ALK: variants seen among roughly 807,000 people sequenced by gnomAD.
ALK encodes the protein ALK receptor tyrosine kinase.
Under a neutral mutation model 163.1 loss-of-function variants are expected in ALK, and 74 were observed. The observed-to-expected ratio is 0.45, with a 90% CI of 0.38 to 0.55. The LOEUF (loss-of-function observed/expected upper bound fraction) is 0.55. ALK is among the 20% of genes least tolerant of loss of function. The pLI, the probability that ALK is intolerant of heterozygous loss-of-function variation, is 0.00. For missense variants in ALK, 2,063 were observed against 2,105.3 expected, an observed-to-expected ratio of 0.98 and a Z score of 0.39; for synonymous variants, 960 against 843.2, an observed-to-expected ratio of 1.14 and a Z score of -2.40.
intron 3 of ALK, among the ~76,000 whole-genome samples, chr2:29,603,076 T>C (rs1031161570): frequency 3.3e-5 from 5 of 152,346 alleles, no homozygotes; most frequent in Non-Finnish European, 7.3e-5. Flanking sequence ...GTTAAGTTAT[T>C]TATTATCCAA....
chr2:29,723,594 C>G (rs980108621), intron 1 of ALK, among the ~76,000 whole-genome samples: 11 of 152,218 alleles, frequency 7.2e-5, no homozygotes, highest in African/African-American at 2.7e-4. Context: ...AAGGTGTTAT[C>G]TCTGGCACTT....
chr2:29,484,367 GCA>G (rs56989405), intron 4 of ALK, among the ~76,000 whole-genome samples: 1 of 151,820 alleles, frequency 6.6e-6, no homozygotes, highest in East Asian at 1.9e-4. Context: ...ATATATACAA[GCA>G]CACACACATA....
rs1333587737 is a variant in ALK at position 29,395,657 on chromosome 2, G to GC, written c.1155-11799dup. Among the ~76,000 whole-genome samples the GC allele has an allele frequency of 2.0e-5, 3 of 152,256 alleles. No homozygotes were observed. The East Asian group carries it at 5.8e-4, about 29-fold the overall frequency. ...GAATTGTTGCTCTAACCTTCCCCCT[G>GC]CCTTTCTGTATAGAGCTGTCCATAA... On this transcript the variant is annotated intron_variant, in intron 4 of 28. Transcript: ENST00000389048.
intron 1 of ALK, among the ~76,000 whole-genome samples, chr2:29,900,736 G>A (rs1265092111): frequency 1.3e-5 from 2 of 152,160 alleles, no homozygotes; most frequent in Non-Finnish European, 1.5e-5. Flanking sequence ...AGGACTTGAC[G>A]CTCTGCTGCT....
At chr2:29,242,307 C>T (rs1211753177) in intron 12 of ALK, among the ~76,000 whole-genome samples, 1 of 152,190 alleles carries the variant, frequency 6.6e-6, no homozygotes, top group Non-Finnish European at 1.5e-5. Context: ...AGGACAAAGT[C>T]CTCATCCTAC....
chr2:29,556,283 A>G (rs1298195598), intron 3 of ALK, among the ~76,000 whole-genome samples: 1 of 152,200 alleles, frequency 6.6e-6, no homozygotes, highest in African/African-American at 2.4e-5. Flanking sequence ...TGTCTATGAA[A>G]TAGGGACAGT....
In ALK at chr2:29,251,090, C is replaced by G. The variant is rs200910314; in HGVS notation, c.2204+15G>C. On this transcript the variant is annotated intron_variant, in intron 12 of 28. Coordinates refer to ENST00000389048, the MANE Select transcript of ALK (RefSeq NM_004304.5). ...GGGGTGGTCTGCCCCTCCCCTCCCCCTCTTCCATACGCACCTGTAGGTGTC... is the reference window on the plus strand; with the variant it reads ...GGGGTGGTCTGCCCCTCCCCTCCCCGTCTTCCATACGCACCTGTAGGTGTC... 5.7e-5 allele frequency: 92 copies of G among 1,613,292 alleles called. No homozygotes were observed. In the African/African-American group the frequency reaches 1.1e-3, roughly 20 times the overall value.
intron 4 of ALK, among the ~76,000 whole-genome samples, chr2:29,399,977 G>C (rs1669404030): frequency 6.6e-6 from 1 of 152,166 alleles, no homozygotes; most frequent in East Asian, 1.9e-4. Flanking sequence ...GTCTGGTGCT[G>C]ATCCTCATGG....
In ALK at chr2:29,920,429, G is replaced by A. The variant is rs1462178129; in HGVS notation, c.231C>T (p.Ser77=). The A allele has an allele frequency of 6.2e-7, 1 of 1,604,864 alleles. No homozygotes were observed. The highest frequency in any genetic ancestry group is 1.7e-5 in the Admixed American group (1 of 59,090). The part of the protein sequence containing the change: ...YARDLLLPPS[S]SELKAGRPEA... ...CGGGCCTGCCAGCCTTCAGCTCCGA[G>A]GAGGATGGTGGCAGCAGTAGGTCCC... Residue 77 remains serine (S), a synonymous_variant, in exon 1 of 29, where the codon TCC becomes TCT. Coordinates refer to ENST00000389048, the MANE Select transcript of ALK (RefSeq NM_004304.5).
intron 1 of ALK, among the ~76,000 whole-genome samples, chr2:29,847,841 CAAG>C (rs566060614): frequency 1.3e-4 from 19 of 145,118 alleles, no homozygotes; most frequent in South Asian, 4.3e-4. Flanking sequence ...AGGAAGAGGA[CAAG>C]AAGGAGAGGG....
At chr2:29,396,868 G>C (rs1377529616) in intron 4 of ALK, among the ~76,000 whole-genome samples, 1 of 24,696 alleles carries the variant, frequency 4.0e-5, no homozygotes, top group Non-Finnish European at 7.6e-5. Context: ...TTTGCTACTT[G>C]GCTACTCCTC....
intron 1 of ALK, chr2:29,892,388 T>A (rs1369653775): frequency 6.6e-6 from 1 of 152,188 alleles, no homozygotes; most frequent in East Asian, 1.9e-4. Context: ...TTGGAAAGTA[T>A]CAAGAATTTG....
chr2:29,538,003 G>T (rs937755888), intron 3 of ALK, among the ~76,000 whole-genome samples: 30 of 152,222 alleles, frequency 2.0e-4, no homozygotes, highest in African/African-American at 7.2e-4. Context: ...TTTACCCAAT[G>T]CCTGTACCAC....
At chr2:29,478,864 G>A (rs930365559) in intron 4 of ALK, among the ~76,000 whole-genome samples, 2 of 152,172 alleles carry the variant, frequency 1.3e-5, no homozygotes, top group Admixed American at 1.3e-4. Context: ...GAGGGTGGGA[G>A]CATAGCTGGC....
intron 1 of ALK, among the ~76,000 whole-genome samples, chr2:29,861,264 C>T (rs1288325375): frequency 2.6e-5 from 4 of 151,918 alleles, no homozygotes; most frequent in Non-Finnish European, 5.9e-5. Flanking sequence ...CAAACTAAGC[C>T]CGAAGTTAGC....
At chr2:29,316,535 A>G (rs1384233685) in intron 8 of ALK, among the ~76,000 whole-genome samples, 1 of 152,214 alleles carries the variant, frequency 6.6e-6, no homozygotes, top group African/African-American at 2.4e-5. Context: ...GTACCTTGAC[A>G]TTTCTTTTTC....
intron 18 of ALK, among the ~76,000 whole-genome samples, chr2:29,225,864 C>T (rs188438512): frequency 3.3e-5 from 5 of 152,092 alleles, no homozygotes; most frequent in East Asian, 3.9e-4. Context: ...GAAGGTGAAA[C>T]GAAAGTGGAT....
chr2:29,389,752 A>G (rs755467226), intron 4 of ALK, among the ~76,000 whole-genome samples: 1 of 152,232 alleles, frequency 6.6e-6, no homozygotes, highest in Non-Finnish European at 1.5e-5. Context: ...ATCTATTCAC[A>G]TGATAATGAC....
At chr2:29,695,118 C>T in intron 2 of ALK, 104 bp from the exon 3 acceptor site, 1 of 1,323,540 alleles carries the variant, frequency 7.6e-7, no homozygotes, top group Non-Finnish European at 1.1e-6. Flanking sequence ...TCCCCACATC[C>T]TTTGCCCTGT....
Sources: gnomAD v4.1 joint callset for allele counts (sites outside exome capture counted in the v4.1 genomes callset) on GRCh38, gnomAD v4.1.1 for gene constraint, MANE v1.5 for transcripts, NCBI Gene and HGNC (gene_info 2026-07-23, HGNC 2026-07-21) for gene names.